The following APC variants were observed in gnomAD, a reference collection of about 807,000 sequenced individuals.
APC encodes the protein adenomatous polyposis coli protein.
A neutral mutation model predicts 247.0 loss-of-function variants in APC; 72 were observed. The observed-to-expected ratio is 0.29, with a 90% CI of 0.24 to 0.35. The LOEUF is 0.35. Among genes scored for constraint, APC ranks in the 10% least tolerant of loss-of-function variants. The probability of loss-of-function intolerance (pLI) is 1.00; values close to 1 mark genes in which losing one functional copy is unlikely to be tolerated. For missense variants in APC, 3,400 were observed against 3,360.7 expected (o/e 1.01, Z -0.29); for synonymous variants, 1,254 against 1,162.5 (o/e 1.08, Z -1.60).
chr5:112,816,473 G>A (rs1043124030), intron 9 of APC, among the ~76,000 whole-genome samples: 2 of 152,106 alleles, frequency 1.3e-5, no homozygotes, highest in African/African-American at 4.8e-5. Flanking sequence ...AATATTTTAG[G>A]ATTTGGGAAT....
intron 6 of APC, among the ~76,000 whole-genome samples, chr5:112,783,533 C>T (rs1419799324): frequency 6.6e-6 from 1 of 151,132 alleles, no homozygotes; most frequent in East Asian, 1.9e-4. Context: ...TGATTCACAC[C>T]TGTAATTCTA....
chr5:112,739,842 G>A (rs1752790913), intron 1 of APC, among the ~76,000 whole-genome samples: 1 of 152,180 alleles, frequency 6.6e-6, no homozygotes, highest in Non-Finnish European at 1.5e-5. Context: ...TAGTGTTTGA[G>A]AGTCTATAAA....
At chr5:112,708,483 T>C (rs1329283907) in intron 1 of APC, among the ~76,000 whole-genome samples, 4 of 152,150 alleles carry the variant, frequency 2.6e-5, no homozygotes, top group Admixed American at 2.6e-4. Flanking sequence ...CTGTAGGAAA[T>C]CTTTGGTCTC....
At chr5:112,779,948 G>A (rs980010213) in intron 5 of APC, among the ~76,000 whole-genome samples, 1 of 152,000 alleles carries the variant, frequency 6.6e-6, no homozygotes, top group Non-Finnish European at 1.5e-5. Flanking sequence ...GTTTTCTAAG[G>A]GCACACAGAA....
Position 112,772,384 on chromosome 5 carries a change from C to T in APC, c.423-3245C>T, listed in dbSNP as rs370170894. The stretch of plus-strand genomic sequence containing the variant: ...TGAAGACACTATAACCTTGGCTTCC[C>T]CAGAGTATTTTACTACAGGTTAATC... On this transcript the variant is annotated intron_variant, in intron 4 of 15. Coordinates refer to ENST00000257430, the MANE Select transcript of APC (RefSeq NM_000038.6). 3.2e-4 allele frequency among the ~76,000 whole-genome samples: 49 copies of T among 152,184 alleles called. No individual in the cohort carries two copies. The East Asian group carries it at 8.7e-3, about 27-fold the overall frequency.
intron 6 of APC, among the ~76,000 whole-genome samples, 200 bp downstream of exon 6, chr5:112,781,103 C>T (rs1758294511): frequency 6.6e-6 from 1 of 152,176 alleles, no homozygotes; most frequent in Non-Finnish European, 1.5e-5. Flanking sequence ...ATATTCATTT[C>T]CCCTGGTACT....
At chr5:112,783,675 G>C (rs1476063030) in intron 6 of APC, 1 of 215,644 alleles carries the variant, frequency 4.6e-6, no homozygotes, top group Non-Finnish European at 8.8e-6. Flanking sequence ...CACATCTGTA[G>C]ACCTAGTTAC....
chr5:112,827,011 A>G (rs918843952), intron 11 of APC, 97 bp from the exon 12 acceptor site: 62 of 1,222,406 alleles, frequency 5.1e-5, no homozygotes, highest in Non-Finnish European at 5.8e-5. Flanking sequence ...ATTCTCATTG[A>G]TTGAGTTTTT....
chr5:112,721,185 G>A (rs1751463164), intron 1 of APC, among the ~76,000 whole-genome samples: 2 of 152,102 alleles, frequency 1.3e-5, no homozygotes. Flanking sequence ...AAGCCGAGGT[G>A]GGTGGATCAC....
rs756034487 is a variant in APC, at chr5:112,828,848, A to C, written c.1627-8A>C. 6.3e-7 allele frequency: 1 copy of C among 1,579,772 alleles called. No homozygotes were observed. The highest frequency in any genetic ancestry group is 1.1e-5 in the South Asian group (1 of 90,182). On this transcript the variant is annotated splice_polypyrimidine_tract_variant and splice_region_variant and intron_variant, in intron 13 of 15. Transcript: ENST00000257430. The stretch of plus-strand genomic sequence containing the variant: ...GTATAAATTAATCTAAAATTGATTA[A>C]TTTGCAGGTTATTGCGAGTGTTTTG...
At chr5:112,810,476 A>T (rs1441663086) in intron 8 of APC, among the ~76,000 whole-genome samples, 1 of 152,242 alleles carries the variant, frequency 6.6e-6, no homozygotes, top group East Asian at 1.9e-4. Flanking sequence ...AGGAGAGCTG[A>T]CAAGGGAAAC....
chr5:112,765,750 T>C lies in APC; in HGVS notation c.136-576T>C, dbSNP rs896322130. ...TCCAACATTCTTTGAGAAAAAATGA[T>C]CAAGAAAGGGATTACATGGGAAAGA... On this transcript the variant is annotated intron_variant, in intron 2 of 15. Transcript: ENST00000257430. Among the ~76,000 whole-genome samples the C allele has an allele frequency of 2.6e-5, 4 of 152,052 alleles. No individual in the cohort carries two copies. In the South Asian group the frequency reaches 6.2e-4, roughly 24 times the overall value.
chr5:112,742,317 C>T (rs1753130846), intron 1 of APC, among the ~76,000 whole-genome samples: 1 of 152,176 alleles, frequency 6.6e-6, no homozygotes, highest in African/African-American at 2.4e-5. Flanking sequence ...TAACCACAAA[C>T]ACCTTTATGA....
chr5:112,832,622 T>C lies in APC; in HGVS notation c.1744-2329T>C, dbSNP rs190859601. 2.8e-4 allele frequency among the ~76,000 whole-genome samples: 43 copies of C among 152,320 alleles called. No individual in the cohort carries two copies. The East Asian group carries it at 6.7e-3, about 24-fold the overall frequency. The stretch of plus-strand genomic sequence containing the variant: ...GGACTGTGATCTCCTTTGCATCTTC[T>C]TTCTGGGTCATCAGTACTCCCGCGC... On this transcript the variant is annotated intron_variant, in intron 14 of 15. Coordinates refer to ENST00000257430, the MANE Select transcript of APC (RefSeq NM_000038.6).
chr5:112,745,679 C>G (rs11955315), intron 1 of APC, among the ~76,000 whole-genome samples: 1,905 of 151,808 alleles, frequency 0.013, 51 homozygotes, highest in African/African-American at 0.043. Flanking sequence ...TCTTAGCGAC[C>G]CCCCCACCCC....
chr5:112,746,326 C>G (rs541228190), intron 1 of APC, among the ~76,000 whole-genome samples: 2 of 152,252 alleles, frequency 1.3e-5, no homozygotes, highest in South Asian at 4.1e-4. Flanking sequence ...GATTTGAATT[C>G]TAGCTGACTT....
chr5:112,819,474 C>A, intron 10 of APC, 130 bp downstream of exon 10: 1 of 1,216,598 alleles, frequency 8.2e-7, no homozygotes, highest in Non-Finnish European at 1.2e-6. Context: ...GCCATTTGTG[C>A]TACTCATATT....
intron 2 of APC, among the ~76,000 whole-genome samples, chr5:112,761,202 A>G (rs917333786): frequency 6.6e-6 from 1 of 152,180 alleles, no homozygotes; most frequent in African/African-American, 2.4e-5. Flanking sequence ...ACTATCAATC[A>G]TCTTAAGTCT....
Position 112,838,730 on chromosome 5 carries a change from A to G in APC, c.3136A>G (p.Asn1046Asp), listed in dbSNP as rs755493779. The G allele has an allele frequency of 5.0e-6, 8 of 1,614,210 alleles. No individual in the cohort carries two copies. Among genetic ancestry groups the G allele is most frequent in the Middle Eastern group, 1.6e-4 (1 of 6,062 alleles). Reference protein sequence around the residue: ...LNSGRQSPSQNERWARPKHII... With the variant: ...LNSGRQSPSQDERWARPKHII... ...CTCTGGAAGGCAAAGTCCTTCACAG[A>G]ATGAAAGATGGGCAAGACCCAAACA... Residue 1046 changes from asparagine (N) to aspartate (D), a missense_variant, in exon 16 of 16, where the codon AAT becomes GAT. Physicochemically the swap from Asn to Asp is conservative, Grantham distance 23. Around this residue, in one of 9 missense-constraint regions of APC, gnomAD observed 715 missense variants for 656.6 expected, o/e 1.09. Coordinates refer to ENST00000257430, the MANE Select transcript of APC (RefSeq NM_000038.6).
Sources: allele counts gnomAD v4.1 joint callset (sites outside exome capture counted in the v4.1 genomes callset), GRCh38; gene constraint gnomAD v4.1.1; regional missense constraint gnomAD v4.1.1; transcripts MANE v1.5; gene names NCBI Gene and HGNC (gene_info 2026-07-23, HGNC 2026-07-21).